Variants in KCNH5 observed in about 807,000 individuals in gnomAD.
The protein encoded by KCNH5 is voltage-gated delayed rectifier potassium channel KCNH5.
In KCNH5, 46 loss-of-function variants were observed where a neutral mutation model predicts 96.1. The observed-to-expected ratio is 0.48, with a 90% CI of 0.38 to 0.61. The LOEUF (loss-of-function observed/expected upper bound fraction) is 0.61. Ranked by LOEUF, KCNH5 falls within the 20% of genes least tolerant of loss-of-function variation. The pLI, the probability that KCNH5 is intolerant of heterozygous loss-of-function variation, is 0.00. For missense variants in KCNH5, 907 were observed against 1,225.8 expected (o/e 0.74, Z 3.88); for synonymous variants, 439 against 449.8 (o/e 0.98, Z 0.30).
chr14:62,749,305 G>A (rs570525953), intron 10 of KCNH5, among the ~76,000 whole-genome samples: 3 of 152,350 alleles, frequency 2.0e-5, no homozygotes, highest in East Asian at 1.9e-4. Context: ...AACAAGATCA[G>A]TCTCTTGTGT....
intron 6 of KCNH5, among the ~76,000 whole-genome samples, chr14:62,979,870 A>G (rs1489976774): frequency 6.6e-6 from 1 of 152,224 alleles, no homozygotes; most frequent in East Asian, 1.9e-4. Flanking sequence ...GCAGAGCCTT[A>G]CATGAGACAA....
At chr14:63,044,994 C>T in intron 1 of KCNH5, 120 bp downstream of exon 1, 1 of 805,544 alleles carries the variant, frequency 1.2e-6, no homozygotes, top group South Asian at 1.5e-5. Context: ...GTAAATGAAA[C>T]CACCAGGTAA....
At chr14:62,715,357 G>A (rs968626111) in intron 10 of KCNH5, among the ~76,000 whole-genome samples, 2 of 152,188 alleles carry the variant, frequency 1.3e-5, no homozygotes, top group African/African-American at 4.8e-5. Flanking sequence ...TGATCAAGCA[G>A]TGAGTAGCTC....
intron 8 of KCNH5, among the ~76,000 whole-genome samples, chr14:62,834,030 C>G (rs1430227712): frequency 6.6e-6 from 1 of 151,980 alleles, no homozygotes; most frequent in Non-Finnish European, 1.5e-5. Context: ...TTGTAAAATC[C>G]AAATGGAACT....
intron 6 of KCNH5, among the ~76,000 whole-genome samples, chr14:62,979,032 T>C (rs1183981892): frequency 1.3e-5 from 2 of 152,204 alleles, no homozygotes; most frequent in Admixed American, 6.5e-5. Flanking sequence ...TGAAGTTTTG[T>C]ATTCTTCCAC....
rs372727277 is a variant in KCNH5 at position 62,950,261 on chromosome 14, C to T, written c.1241G>A (p.Ser414Asn). The T allele has an allele frequency of 2.5e-6, 4 of 1,614,034 alleles. No homozygotes were observed. Among genetic ancestry groups the T allele is most frequent in the Admixed American group, 3.3e-5 (2 of 60,002 alleles). ...TSAGIWEGGP[S>N]KDSLYVSSLY... ...AGAGGACACGTACAATGAATCCTTG[C>T]TGGGTCCTCCTTCCCATATCCCAGC... Residue 414 changes from serine to asparagine, a missense_variant, in exon 7 of 11, where the codon AGC becomes AAC. Physicochemically the swap from Ser to Asn is conservative, Grantham distance 46. Around this residue, in one of 6 missense-constraint regions of KCNH5, gnomAD observed 370 missense variants for 561.3 expected, o/e 0.66. Coordinates refer to ENST00000322893, the MANE Select transcript of KCNH5 (RefSeq NM_139318.5).
At chr14:62,909,997 A>G (rs1047705071) in intron 7 of KCNH5, among the ~76,000 whole-genome samples, 1 of 151,726 alleles carries the variant, frequency 6.6e-6, no homozygotes, top group East Asian at 1.9e-4. Flanking sequence ...GGAATTTTTG[A>G]GTGTTTTGTT....
Position 62,987,099 on chromosome 14 carries a change from C to G in KCNH5, c.522G>C (p.Val174=), listed in dbSNP as rs781693873. ...QQLTPMNKTE[V]VHKHSRLAEV... is the part of the protein sequence containing the mutation. ...CAGCTAGTCTTGAATGTTTATGGAC[C>G]ACCTCTGTTTTATTCATTGGCGTGA... Residue 174 remains valine, a synonymous_variant, in exon 5 of 11, where the codon GTG becomes GTC. Coordinates refer to ENST00000322893, the MANE Select transcript of KCNH5 (RefSeq NM_139318.5). 11 of 1,613,040 alleles carry G rather than the reference C, an allele frequency of 6.8e-6. No individual in the cohort carries two copies. Among genetic ancestry groups the G allele is most frequent in the Admixed American group, 1.7e-5 (1 of 59,942 alleles).
chr14:62,764,301 G>C (rs1276175989), intron 10 of KCNH5, among the ~76,000 whole-genome samples: 3 of 152,092 alleles, frequency 2.0e-5, no homozygotes, highest in African/African-American at 7.2e-5. Context: ...ATACAGAAAA[G>C]GCTTTTGGTA....
chr14:62,917,714 T>G (rs1055487941), intron 7 of KCNH5, among the ~76,000 whole-genome samples: 2 of 152,198 alleles, frequency 1.3e-5, no homozygotes, highest in African/African-American at 2.4e-5. Context: ...GTTCACAAAT[T>G]CATTTAACTA....
chr14:62,955,507 C>A (rs1244383422), intron 6 of KCNH5, among the ~76,000 whole-genome samples: 1 of 152,198 alleles, frequency 6.6e-6, no homozygotes, highest in Admixed American at 6.5e-5. Flanking sequence ...AATAATTGGA[C>A]TAAGTTCACA....
At chr14:62,772,312 A>G (rs1001416019) in intron 10 of KCNH5, among the ~76,000 whole-genome samples, 1 of 152,136 alleles carries the variant, frequency 6.6e-6, no homozygotes, top group African/African-American at 2.4e-5. Context: ...AAAAGTATTA[A>G]TATCTTTTTA....
At chr14:62,801,527 A>G (rs1292220736) in intron 9 of KCNH5, among the ~76,000 whole-genome samples, 2 of 133,982 alleles carry the variant, frequency 1.5e-5, no homozygotes, top group African/African-American at 5.6e-5. Flanking sequence ...TTTTTTGCCA[A>G]GCGTATATCC....
rs1197818518 is a variant in KCNH5 at position 62,802,462 on chromosome 14, C to T, written c.1689G>A (p.Ala563=). The stretch of plus-strand genomic sequence containing the variant: ...CACAGTGAATGGTTTGGAACTCTAC[C>T]GCCAAGGCGCGCAGACACCCATCGC... ...LASDGCLRAL[A]VEFQTIHCAP... The change falls in exon 9 of 11, where the codon GCG becomes GCA. Residue 563 remains alanine (A), a synonymous_variant. Transcript: ENST00000322893. 11 of 1,613,974 alleles carry T rather than the reference C, an allele frequency of 6.8e-6. No individual in the cohort carries two copies. The highest frequency in any genetic ancestry group is 2.2e-5 in the South Asian group (2 of 91,088).
chr14:62,858,293 C>G lies in KCNH5; in HGVS notation c.1370-8441G>C, dbSNP rs184909116. On this transcript the variant is annotated intron_variant, in intron 7 of 10. Coordinates refer to ENST00000322893, the MANE Select transcript of KCNH5 (RefSeq NM_139318.5). ...TCGTGTTTTTTCCTGGTGGAGTGAC[C>G]CAAACCTTCATTCCTGAAGAGTCTG... Among the ~76,000 whole-genome samples, 5 of 152,196 alleles carry G rather than the reference C, an allele frequency of 3.3e-5. No individual in the cohort carries two copies. The East Asian group carries it at 9.7e-4, about 30-fold the overall frequency.
intron 8 of KCNH5, among the ~76,000 whole-genome samples, chr14:62,821,717 ATAAG>A (rs759457349): frequency 4.1e-4 from 62 of 152,268 alleles, no homozygotes; most frequent in Non-Finnish European, 7.4e-4. Flanking sequence ...GAATATCAGA[ATAAG>A]TAAAAATATC....
intron 10 of KCNH5, among the ~76,000 whole-genome samples, chr14:62,769,334 C>G (rs775428343): frequency 1.2e-4 from 19 of 152,224 alleles, no homozygotes; most frequent in Non-Finnish European, 2.6e-4. Flanking sequence ...ATTTGCAGTC[C>G]TGATGATCAA....
chr14:62,849,679 T>C lies in KCNH5; in HGVS notation c.1543A>G (p.Met515Val). 1 of 1,613,794 alleles carries C rather than the reference T, an allele frequency of 6.2e-7. No individual in the cohort carries two copies. The highest frequency in any genetic ancestry group is 8.5e-7 in the Non-Finnish European group (1 of 1,179,792). Residue 515 changes from methionine to valine, a missense_variant, in exon 8 of 11, where the codon ATG becomes GTG. Around this residue, in one of 6 missense-constraint regions of KCNH5, gnomAD observed 95 missense variants for 111.8 expected, o/e 0.85. Coordinates refer to ENST00000322893, the MANE Select transcript of KCNH5 (RefSeq NM_139318.5). ...TTTTCTGTATCAATGCCTTTTGACA[T>C]GGACCATGTTGAGACAATATAATCC... ...VMDYIVSTWS[M>V]SKGIDTEKVL...
chr14:62,955,557 G>T (rs370994118), intron 6 of KCNH5, among the ~76,000 whole-genome samples: 1 of 152,192 alleles, frequency 6.6e-6, no homozygotes, highest in Non-Finnish European at 1.5e-5. Flanking sequence ...CATTCAGGCA[G>T]TCTGTCTCCA....
Sources: gnomAD v4.1 joint callset for allele counts (sites outside exome capture counted in the v4.1 genomes callset) on GRCh38, gnomAD v4.1.1 for gene constraint, gnomAD v4.1.1 regional missense constraint, MANE v1.5 for transcripts, NCBI Gene and HGNC (gene_info 2026-07-23, HGNC 2026-07-21) for gene names.